The following POFUT4 variants were observed in gnomAD, a reference collection of about 807,000 sequenced individuals.
POFUT4 encodes the protein GDP-fucose protein O-fucosyltransferase 4.
the POFUT4 span, chr10:73,775,355 T>C: frequency 2.1e-6 from 3 of 1,413,734 alleles, no homozygotes; most frequent in South Asian, 3.5e-5. Context: ...TCTTTGTGTT[T>C]GTGACTTACT....
the POFUT4 span, chr10:73,773,228 G>A: frequency 3.7e-6 from 6 of 1,613,226 alleles, no homozygotes; most frequent in Non-Finnish European, 5.1e-6. Flanking sequence ...ATCGGGAGCT[G>A]CCTACCGCGC....
At chr10:73,772,944 G>A in the POFUT4 span, 1 of 1,607,216 alleles carries the variant, frequency 6.2e-7, no homozygotes, top group Non-Finnish European at 8.5e-7. Context: ...GCGGAGTGGC[G>A]CCGCCGCGGC....
chr10:73,774,694 T>TCACACACACACA, the POFUT4 span: 2 of 150,140 alleles, frequency 1.3e-5, no homozygotes, highest in African/African-American at 4.9e-5. Flanking sequence ...TAAGACCCTG[T>TCACACACACACA]CACACACACA....
chr10:73,773,972 G>A, the POFUT4 span: 71 of 791,238 alleles, frequency 9.0e-5, 4 homozygotes, highest in South Asian at 1.5e-3. Context: ...GGGGGGATAA[G>A]ACAAGCTGAA....
the POFUT4 span, chr10:73,778,712 G>A: frequency 1.3e-5 from 2 of 152,192 alleles, no homozygotes; most frequent in Non-Finnish European, 2.9e-5. Context: ...GCCAAGAAAA[G>A]CTGTAATTAG....
chr10:73,775,760 C>T, the POFUT4 span: 1 of 1,413,926 alleles, frequency 7.1e-7, no homozygotes, highest in Non-Finnish European at 9.9e-7. Flanking sequence ...GGAGCATCCA[C>T]TGCACAAACC....
the POFUT4 span, chr10:73,775,384 T>C: frequency 6.3e-7 from 1 of 1,589,458 alleles, no homozygotes. Flanking sequence ...CTTGGGCTTA[T>C]ATTGGATTTA....
the POFUT4 span, chr10:73,773,905 G>A: frequency 5.7e-6 from 8 of 1,414,356 alleles, no homozygotes; most frequent in African/African-American, 1.1e-4. Flanking sequence ...CTGAGCAGGT[G>A]CAGGAGGAAA....
chr10:73,772,672 G>A, the POFUT4 span: 1 of 1,558,042 alleles, frequency 6.4e-7, no homozygotes, highest in African/African-American at 1.4e-5. Flanking sequence ...GAGCGCTGAG[G>A]GACTCGCGGA....
chr10:73,775,918 G>C, the POFUT4 span: 2 of 523,862 alleles, frequency 3.8e-6, no homozygotes, highest in African/African-American at 3.8e-5. Context: ...GTGGGAAACA[G>C]AACCCTAAAA....
At chr10:73,773,823 T>C in the POFUT4 span, 1 of 1,552,322 alleles carries the variant, frequency 6.4e-7, no homozygotes, top group African/African-American at 1.4e-5. Context: ...CAGGTAAGAG[T>C]GCTGGGGTCC....
At chr10:73,773,234 C>G in the POFUT4 span, 1 of 1,613,498 alleles carries the variant, frequency 6.2e-7, no homozygotes, top group African/African-American at 1.3e-5. Flanking sequence ...AGCTGCCTAC[C>G]GCGCGGCTAC....
chr10:73,775,444 T>C, the POFUT4 span: 3 of 1,613,342 alleles, frequency 1.9e-6, no homozygotes, highest in Non-Finnish European at 2.5e-6. Context: ...TAGAGACCAC[T>C]GTATCTGCTT....
At chr10:73,774,473 G>A in the POFUT4 span, 2 of 151,934 alleles carry the variant, frequency 1.3e-5, no homozygotes, top group Non-Finnish European at 2.9e-5. Context: ...TGAGGCCAGA[G>A]ACAATATAAT....
the POFUT4 span, chr10:73,773,128 ACTCCAGGTGTCCAGGC>A: frequency 6.6e-5 from 19 of 289,728 alleles, no homozygotes; most frequent in African/African-American, 3.0e-4. Flanking sequence ...GGTGTCCAGG[ACTCCAGGTGTCCAGGC>A]CTCCAGGGCC....
chr10:73,773,357 A>G, the POFUT4 span: 1 of 1,614,046 alleles, frequency 6.2e-7, no homozygotes, highest in Non-Finnish European at 8.5e-7. Flanking sequence ...TGACAGAAAA[A>G]CTGTGGCGTC....
chr10:73,779,769 A>C, the POFUT4 span: 1 of 152,202 alleles, frequency 6.6e-6, no homozygotes, highest in Non-Finnish European at 1.5e-5. Context: ...AGCAAGGTGT[A>C]GATTATCCTT....
the POFUT4 span, chr10:73,773,540 C>T: frequency 6.2e-7 from 1 of 1,614,148 alleles, no homozygotes; most frequent in Non-Finnish European, 8.5e-7. Flanking sequence ...ACCTGGCATA[C>T]AAGCAACCTG....
chr10:73,773,072 A>T, the POFUT4 span: 1 of 1,544,926 alleles, frequency 6.5e-7, no homozygotes, highest in Admixed American at 1.9e-5. Context: ...GGGAAGGAAA[A>T]GGAGAGGGCG....
Sources: allele counts gnomAD v4.1 joint callset, GRCh38; gene constraint gnomAD v4.1.1; transcripts MANE v1.5; gene names NCBI Gene and HGNC (gene_info 2026-07-23, HGNC 2026-07-21).